Variants in WWC2 observed in about 807,000 individuals in gnomAD.
The protein encoded by WWC2 is protein WWC2.
In WWC2, 101 loss-of-function variants were observed where a neutral mutation model predicts 138.5. That is an observed-to-expected ratio of 0.73 (90% CI 0.62 to 0.86). The LOEUF (loss-of-function observed/expected upper bound fraction) is 0.86, where lower values mean the gene tolerates loss of function less well. WWC2 is among the 40% of genes least tolerant of loss of function. WWC2 has a pLI of 0.00. For missense variants in WWC2, 1,420 were observed against 1,419.4 expected (o/e 1.00, Z -0.01); for synonymous variants, 558 against 538.4 (o/e 1.04, Z -0.50).
chr4:183,241,202 C>T (rs574456731), intron 5 of WWC2, among the ~76,000 whole-genome samples: 2 of 152,196 alleles, frequency 1.3e-5, no homozygotes, highest in East Asian at 1.9e-4. Context: ...CGGCATCTCC[C>T]GTGGTAGCAC....
chr4:183,294,998 G>A (rs1242170508), intron 21 of WWC2, among the ~76,000 whole-genome samples: 1 of 152,076 alleles, frequency 6.6e-6, no homozygotes, highest in African/African-American at 2.4e-5. Context: ...GCAAGTAAGA[G>A]TTGATGTTTG....
At chr4:183,211,329 A>C (rs1183974902) in intron 4 of WWC2, among the ~76,000 whole-genome samples, 2 of 152,250 alleles carry the variant, frequency 1.3e-5, no homozygotes, top group East Asian at 1.9e-4. Flanking sequence ...AATTAAAAAA[A>C]GTTTTAATCT....
At chr4:183,268,243 A>G (rs1737571211) in intron 14 of WWC2, among the ~76,000 whole-genome samples, 1 of 152,192 alleles carries the variant, frequency 6.6e-6, no homozygotes, top group Non-Finnish European at 1.5e-5. Context: ...CTGGGATTTA[A>G]AGGAAGTTAC....
At chr4:183,150,301 T>C (rs1044544507) in intron 1 of WWC2, among the ~76,000 whole-genome samples, 2 of 152,200 alleles carry the variant, frequency 1.3e-5, no homozygotes, top group African/African-American at 4.8e-5. Flanking sequence ...ATTAGTAGTT[T>C]AAGAGATTTC....
At chr4:183,217,038 A>G (rs1735779816) in intron 4 of WWC2, among the ~76,000 whole-genome samples, 1 of 152,208 alleles carries the variant, frequency 6.6e-6, no homozygotes, top group African/African-American at 2.4e-5. Flanking sequence ...AGTGGGACCA[A>G]ATTAGTCTGA....
Position 183,245,430 on chromosome 4 carries a change from T to G in WWC2, c.617T>G (p.Met206Arg). 1.3e-6 allele frequency: 2 copies of G among 1,559,592 alleles called. No individual in the cohort carries two copies. Among genetic ancestry groups the G allele is most frequent in the Non-Finnish European group, 1.7e-6 (2 of 1,161,706 alleles). ...TCTTTTCACAGAATTGATAAAAAAA[T>G]GTCTGGAGGCCAGAGCGGGTATGAA... is the stretch of plus-strand genomic sequence containing the variant. The part of the protein sequence containing the change: ...FETLQQIDKK[M>R]SGGQSGYELS... Residue 206 changes from methionine (M) to arginine (R), a missense_variant, in exon 6 of 23, where the codon ATG becomes AGG. Transcript: ENST00000403733.
intron 16 of WWC2, 60 bp from the exon 17 acceptor site, chr4:183,280,716 G>GT: frequency 2.6e-6 from 4 of 1,528,378 alleles, no homozygotes; most frequent in Non-Finnish European, 2.6e-6. Flanking sequence ...CATCTGCTGA[G>GT]TTTTTAAGTC....
In WWC2 at chr4:183,202,370, A is replaced by G. The variant is rs370337117; in HGVS notation, c.242-5583A>G. 1.1e-4 allele frequency among the ~76,000 whole-genome samples: 17 copies of G among 152,320 alleles called. No individual in the cohort carries two copies. In the East Asian group the frequency reaches 2.5e-3, roughly 22 times the overall value. ...GAGGGGCAGTCTCTTCCCAGACAGC[A>G]AGGCCCCCAAGACATCAAAGCATCA... On this transcript the variant is annotated intron_variant, in intron 2 of 22. Transcript: ENST00000403733.
intron 4 of WWC2, among the ~76,000 whole-genome samples, chr4:183,227,181 G>A (rs930065886): frequency 2.0e-5 from 3 of 151,980 alleles, no homozygotes; most frequent in Admixed American, 6.6e-5. Context: ...ACAATGCTAG[G>A]TAGATAAAGG....
In WWC2 at chr4:183,320,240, G is replaced by T. The variant is rs745751905; in HGVS notation, c.*4511G>T. Reference sequence around the variant, plus strand: ...CCATTATAATGTCCTGAGAGCTTTAGCCAAACTAACTCCTGCCCTTCGGTT... The same window carrying T: ...CCATTATAATGTCCTGAGAGCTTTATCCAAACTAACTCCTGCCCTTCGGTT... On this transcript the variant is annotated 3_prime_UTR_variant, in exon 23 of 23. Coordinates refer to ENST00000403733, the MANE Select transcript of WWC2 (RefSeq NM_024949.6). 1.9e-6 allele frequency: 3 copies of T among 1,593,490 alleles called. No homozygotes were observed. The Admixed American group carries it at 5.3e-5, about 28-fold the overall frequency.
At chr4:183,145,808 T>C (rs1332895666) in intron 1 of WWC2, among the ~76,000 whole-genome samples, 2 of 152,196 alleles carry the variant, frequency 1.3e-5, no homozygotes, top group African/African-American at 2.4e-5. Flanking sequence ...TAATCTCGGA[T>C]TGATGTTTTT....
intron 1 of WWC2, among the ~76,000 whole-genome samples, chr4:183,100,486 G>C (rs1025039718): frequency 6.6e-6 from 1 of 152,148 alleles, no homozygotes; most frequent in African/African-American, 2.4e-5. Flanking sequence ...TTATAAATTT[G>C]TAAATTATCC....
intron 1 of WWC2, among the ~76,000 whole-genome samples, chr4:183,100,598 T>C (rs1743147232): frequency 6.6e-6 from 1 of 152,242 alleles, no homozygotes; most frequent in Non-Finnish European, 1.5e-5. Context: ...CTTTATTGAA[T>C]GTGGCCCTTT....
At position 183,116,513 on chromosome 4, in the gene WWC2, C is replaced by T. The variant is rs944260477; in HGVS notation, c.131+16891C>T. 2.6e-5 allele frequency among the ~76,000 whole-genome samples: 4 copies of T among 152,226 alleles called. No homozygotes were observed. In the South Asian group the frequency reaches 6.2e-4, roughly 24 times the overall value. On this transcript the variant is annotated intron_variant, in intron 1 of 22. Coordinates refer to ENST00000403733, the MANE Select transcript of WWC2 (RefSeq NM_024949.6). Reference sequence around the variant, plus strand: ...AAAGCTGTTAAGTGGTGGCAGAACTCAAGCGTGTCTGTCTGACTTCCAAGC... The same window carrying T: ...AAAGCTGTTAAGTGGTGGCAGAACTTAAGCGTGTCTGTCTGACTTCCAAGC...
At chr4:183,241,276 T>G (rs926567579) in intron 5 of WWC2, among the ~76,000 whole-genome samples, 2 of 152,222 alleles carry the variant, frequency 1.3e-5, no homozygotes, top group African/African-American at 2.4e-5. Flanking sequence ...GTGTTCCTTT[T>G]CCCTGTGGAA....
At position 183,265,801 on chromosome 4, in the gene WWC2, G is replaced by C. The variant is rs777891034; in HGVS notation, c.2120+33G>C. 10 of 1,608,994 alleles carry C rather than the reference G, an allele frequency of 6.2e-6. No homozygotes were observed. In the African/African-American group the frequency reaches 1.3e-4, roughly 21 times the overall value. ...ATGTACGTGGGAAAGGAGCAGTTCT[G>C]ACATCTGTGCAGGGCAAGTGGCCTG... On this transcript the variant is annotated intron_variant, in intron 13 of 22. Transcript: ENST00000403733.
At chr4:183,203,613 G>A (rs1255498614) in intron 2 of WWC2, 1 of 152,106 alleles carries the variant, frequency 6.6e-6, no homozygotes, top group Non-Finnish European at 1.5e-5. Context: ...GGTATGATAT[G>A]ACATCAAGGG....
intron 4 of WWC2, among the ~76,000 whole-genome samples, chr4:183,221,072 T>C (rs901792170): frequency 2.0e-5 from 3 of 152,168 alleles, no homozygotes; most frequent in South Asian, 2.1e-4. Flanking sequence ...CAGACCTACT[T>C]TAAATATAAA....
At position 183,133,055 on chromosome 4, in the gene WWC2, T is replaced by TCTTTTTCTTTTCCCTTCCCTCTTCC. The variant is rs529225723; in HGVS notation, c.131+33434_131+33435insTTTTTCTTTTCCCTTCCCTCTTCCC. On this transcript the variant is annotated intron_variant, in intron 1 of 22. Coordinates refer to ENST00000403733, the MANE Select transcript of WWC2 (RefSeq NM_024949.6). ...TCCTTTTCTTTTCCCTTCCCTTTTT[T>TCTTTTTCTTTTCCCTTCCCTCTTCC]CCTTTTCTTTTTCCTTCCCTCTTCC... 2.5e-3 allele frequency among the ~76,000 whole-genome samples: 360 copies of TCTTTTTCTTTTCCCTTCCCTCTTCC among 146,796 alleles called. 3 individuals carry two copies. The highest frequency in any genetic ancestry group is 9.1e-3 in the African/African-American group (346 of 38,196).
Sources: gnomAD v4.1 joint callset for allele counts (sites outside exome capture counted in the v4.1 genomes callset) on GRCh38, gnomAD v4.1.1 for gene constraint, MANE v1.5 for transcripts, NCBI Gene and HGNC (gene_info 2026-07-23, HGNC 2026-07-21) for gene names.